Variants in ELAVL2 observed in about 807,000 individuals in gnomAD.
ELAVL2 encodes the protein ELAV-like protein 2.
A neutral mutation model predicts 34.6 loss-of-function variants in ELAVL2; 4 were observed. That is an observed-to-expected ratio of 0.12 (90% CI 0.06 to 0.26). ELAVL2 has a LOEUF of 0.26. Among genes scored for constraint, ELAVL2 ranks in the 10% least tolerant of loss-of-function variants. ELAVL2 has a pLI of 1.00. For missense variants in ELAVL2, 432 were observed against 442.8 expected (o/e 0.98, Z 0.22); for synonymous variants, 193 against 154.8 (o/e 1.25, Z -1.83).
chr9:23,795,540 A>G (rs906613709), intron 1 of ELAVL2, among the ~76,000 whole-genome samples: 2 of 152,158 alleles, frequency 1.3e-5, no homozygotes, highest in African/African-American at 4.8e-5. Context: ...GCAAGACTCC[A>G]TCTCAAAAAA....
intron 2 of ELAVL2, among the ~76,000 whole-genome samples, chr9:23,734,054 T>G (rs2047241508): frequency 6.6e-6 from 1 of 152,216 alleles, no homozygotes; most frequent in South Asian, 2.1e-4. Flanking sequence ...ATGTTTGAGG[T>G]AAGCAAAACT....
intron 2 of ELAVL2, among the ~76,000 whole-genome samples, chr9:23,750,031 G>GAAA (rs10718431): frequency 3.7e-5 from 5 of 136,624 alleles, no homozygotes; most frequent in African/African-American, 1.3e-4. Context: ...CTTAAAAAAG[G>GAAA]AAAAAAAAAA....
intron 1 of ELAVL2, among the ~76,000 whole-genome samples, chr9:23,770,820 T>G (rs1030041469): frequency 1.1e-4 from 16 of 152,286 alleles, no homozygotes; most frequent in Non-Finnish European, 1.3e-4. Flanking sequence ...AAGTAATTTG[T>G]TAGAGGTCTA....
At chr9:23,787,217 C>T (rs1304962112) in intron 1 of ELAVL2, among the ~76,000 whole-genome samples, 1 of 151,960 alleles carries the variant, frequency 6.6e-6, no homozygotes, top group Non-Finnish European at 1.5e-5. Flanking sequence ...GGGCATTACC[C>T]CCCTGTGATC....
chr9:23,806,700 G>A (rs1289903074), intron 1 of ELAVL2, among the ~76,000 whole-genome samples: 1 of 151,988 alleles, frequency 6.6e-6, no homozygotes, highest in Non-Finnish European at 1.5e-5. Context: ...ACATCAAAGA[G>A]CTTCCAATGT....
chr9:23,761,970 C>G (rs1304491346), intron 2 of ELAVL2, 36 bp downstream of exon 2: 1 of 1,564,504 alleles, frequency 6.4e-7, no homozygotes. Flanking sequence ...GAGACACGAT[C>G]CGTTAAATAT....
chr9:23,781,140 TAA>T (rs1253015714), intron 1 of ELAVL2, among the ~76,000 whole-genome samples: 7 of 152,138 alleles, frequency 4.6e-5, no homozygotes, highest in East Asian at 1.9e-4. Flanking sequence ...TTAAAAGAAA[TAA>T]GTTATAACAA....
intron 3 of ELAVL2, among the ~76,000 whole-genome samples, chr9:23,727,394 G>A (rs2045493106): frequency 6.6e-6 from 1 of 152,112 alleles, no homozygotes; most frequent in Admixed American, 6.6e-5. Context: ...AACTCTGAAT[G>A]CTAAACGATC....
Position 23,693,476 on chromosome 9 carries a change from G to T in ELAVL2, c.724C>A (p.Leu242Met). Residue 242 changes from leucine to methionine, a missense_variant, in exon 6 of 7, where the codon CTG becomes ATG. Physicochemically the swap from Leu to Met is conservative, Grantham distance 15. This residue lies in a region of ELAVL2 where 295 missense variants were observed against 306.1 expected (regional missense o/e 0.96). Transcript: ENST00000397312. ...TTTACTCCATAAGCCATATTGAGCA[G>T]ATTGTCCAACCTGCAAAACACACAT... ...QQAQRFRLDNLLNMAYGVKRF... is the reference protein window; with the variant it reads ...QQAQRFRLDNMLNMAYGVKRF... The T allele has an allele frequency of 6.2e-7, 1 of 1,614,110 alleles. No individual in the cohort carries two copies. Among genetic ancestry groups the T allele is most frequent in the Non-Finnish European group, 8.5e-7 (1 of 1,179,960 alleles).
Position 23,798,187 on chromosome 9 carries a change from A to G in ELAVL2, c.-16+27619T>C, listed in dbSNP as rs917289672. On this transcript the variant is annotated intron_variant, in intron 1 of 6. Coordinates refer to ENST00000397312, the MANE Select transcript of ELAVL2 (RefSeq NM_004432.5). ...AAGATTCTAACTCAAATGTGCCTAA[A>G]TTCTGCAAGGTTATTTATCTGAGGA... 2.0e-5 allele frequency among the ~76,000 whole-genome samples: 3 copies of G among 152,208 alleles called. No homozygotes were observed. The South Asian group carries it at 6.2e-4, about 31-fold the overall frequency.
the ELAVL2 span, among the ~76,000 whole-genome samples, chr9:23,850,111 G>C: frequency 6.6e-6 from 1 of 151,684 alleles, no homozygotes; most frequent in African/African-American, 2.4e-5. Context: ...ACCGGGGAGG[G>C]GGTGGGGGTG....
intron 1 of ELAVL2, among the ~76,000 whole-genome samples, chr9:23,792,614 A>G (rs1301898535): frequency 1.3e-5 from 2 of 152,222 alleles, no homozygotes; most frequent in Non-Finnish European, 2.9e-5. Flanking sequence ...CATCAATTGT[A>G]TACATACAGA....
intron 1 of ELAVL2, among the ~76,000 whole-genome samples, chr9:23,793,404 G>A (rs1466461396): frequency 6.6e-6 from 1 of 152,094 alleles, no homozygotes; most frequent in Non-Finnish European, 1.5e-5. Context: ...CTCCCCCTAA[G>A]TATTATCATC....
intron 4 of ELAVL2, among the ~76,000 whole-genome samples, chr9:23,704,010 G>C (rs918146171): frequency 6.6e-6 from 1 of 152,018 alleles, no homozygotes; most frequent in African/African-American, 2.4e-5. Flanking sequence ...TCAGCTCACC[G>C]TGACCTCCGC....
intron 1 of ELAVL2, among the ~76,000 whole-genome samples, chr9:23,779,071 A>G (rs1402213188): frequency 5.3e-5 from 8 of 152,328 alleles, no homozygotes; most frequent in African/African-American, 1.9e-4. Context: ...GGCAGCACAC[A>G]AAAAAGATAA....
chr9:23,705,318 A>C (rs1443612136), intron 3 of ELAVL2, among the ~76,000 whole-genome samples: 2 of 152,202 alleles, frequency 1.3e-5, no homozygotes, highest in Non-Finnish European at 2.9e-5. Flanking sequence ...AGCCTACTGC[A>C]AGGGACAGAA....
At chr9:23,795,972 T>C (rs901407247) in intron 1 of ELAVL2, among the ~76,000 whole-genome samples, 5 of 152,238 alleles carry the variant, frequency 3.3e-5, no homozygotes, top group Admixed American at 6.5e-5. Flanking sequence ...AATTACTTTC[T>C]TGATCAATAT....
chr9:23,753,515 T>C (rs963679040), intron 2 of ELAVL2, among the ~76,000 whole-genome samples: 1 of 152,160 alleles, frequency 6.6e-6, no homozygotes, highest in Non-Finnish European at 1.5e-5. Flanking sequence ...GTTGATTTTG[T>C]ACTACATCAT....
At chr9:23,745,082 C>T (rs985786208) in intron 2 of ELAVL2, among the ~76,000 whole-genome samples, 3 of 151,904 alleles carry the variant, frequency 2.0e-5, no homozygotes, top group African/African-American at 4.8e-5. Context: ...CACATGTCTG[C>T]GGTCCCAGCT....
Sources: gnomAD v4.1 joint callset for allele counts (sites outside exome capture counted in the v4.1 genomes callset) on GRCh38, gnomAD v4.1.1 for gene constraint, gnomAD v4.1.1 regional missense constraint, MANE v1.5 for transcripts, NCBI Gene and HGNC (gene_info 2026-07-23, HGNC 2026-07-21) for gene names.